Variants in MAP2K1 observed in about 807,000 individuals in gnomAD.
MAP2K1 encodes mitogen-activated protein kinase kinase 1.
A neutral mutation model predicts 46.3 loss-of-function variants in MAP2K1; 16 were observed. That is an observed-to-expected ratio of 0.35 (90% CI 0.23 to 0.52). The LOEUF (loss-of-function observed/expected upper bound fraction) is 0.52. Ranked by LOEUF, MAP2K1 falls within the 20% of genes least tolerant of loss-of-function variation. The pLI, the probability that MAP2K1 is intolerant of heterozygous loss-of-function variation, is 0.94. For missense variants in MAP2K1, 263 were observed against 497.1 expected (o/e 0.53, Z 4.48); for synonymous variants, 183 against 185.6 (o/e 0.99, Z 0.11).
At chr15:66,429,764 C>G (rs1190649774) in intron 1 of MAP2K1, among the ~76,000 whole-genome samples, 1 of 147,532 alleles carries the variant, frequency 6.8e-6, no homozygotes, top group African/African-American at 2.5e-5. Context: ...CTTCCTCTTT[C>G]AGGTCCATTC....
intron 5 of MAP2K1, among the ~76,000 whole-genome samples, chr15:66,463,377 C>G (rs918061661): frequency 2.0e-5 from 3 of 152,230 alleles, no homozygotes; most frequent in African/African-American, 7.2e-5. Flanking sequence ...TGAGACTACT[C>G]TCAGTTAATT....
Position 66,433,152 on chromosome 15 carries a change from G to A in MAP2K1, c.81-1875G>A, listed in dbSNP as rs2093479158. 3.9e-5 allele frequency among the ~76,000 whole-genome samples: 6 copies of A among 152,220 alleles called. No individual in the cohort carries two copies. In the South Asian group the frequency reaches 1.2e-3, roughly 32 times the overall value. On this transcript the variant is annotated intron_variant, in intron 1 of 10. Coordinates refer to ENST00000307102, the MANE Select transcript of MAP2K1 (RefSeq NM_002755.4). ...TAAGCTCCTTTGTGGGGAGACCTTGGAGAAAGGAAACCAGAGAGTGTGCAC... is the reference window on the plus strand; with the variant it reads ...TAAGCTCCTTTGTGGGGAGACCTTGAAGAAAGGAAACCAGAGAGTGTGCAC...
chr15:66,407,127 T>A (rs1017471367), intron 1 of MAP2K1, among the ~76,000 whole-genome samples: 4 of 152,024 alleles, frequency 2.6e-5, no homozygotes, highest in African/African-American at 9.7e-5. Context: ...GCTCCGTGTA[T>A]TGTTTTGTAG....
intron 6 of MAP2K1, among the ~76,000 whole-genome samples, chr15:66,482,208 G>T (rs1396152344): frequency 6.6e-6 from 1 of 152,108 alleles, no homozygotes; most frequent in Non-Finnish European, 1.5e-5. Context: ...ACAAACCCAG[G>T]ATGCTCAGAT....
chr15:66,454,757 C>T (rs1160599813), intron 5 of MAP2K1, among the ~76,000 whole-genome samples: 1 of 152,088 alleles, frequency 6.6e-6, no homozygotes, highest in Non-Finnish European at 1.5e-5. Flanking sequence ...GTGCCGTGCG[C>T]CTGTAATCCC....
At chr15:66,409,776 T>A (rs1368417588) in intron 1 of MAP2K1, among the ~76,000 whole-genome samples, 1 of 152,196 alleles carries the variant, frequency 6.6e-6, no homozygotes, top group Non-Finnish European at 1.5e-5. Context: ...ACACCCCCGC[T>A]AATATATCTA....
At chr15:66,389,106 A>G (rs1007278930) in intron 1 of MAP2K1, among the ~76,000 whole-genome samples, 1 of 151,682 alleles carries the variant, frequency 6.6e-6, no homozygotes, top group Non-Finnish European at 1.5e-5. Context: ...GGGTTTCTCC[A>G]AGTTGTTCAG....
intron 1 of MAP2K1, among the ~76,000 whole-genome samples, chr15:66,403,116 A>G (rs938536649): frequency 7.2e-5 from 11 of 152,210 alleles, no homozygotes; most frequent in Non-Finnish European, 1.3e-4. Flanking sequence ...GCCAGAGTTC[A>G]CACTGCTGCA....
chr15:66,403,187 C>T (rs1370839283), intron 1 of MAP2K1, among the ~76,000 whole-genome samples: 1 of 152,150 alleles, frequency 6.6e-6, no homozygotes, highest in Non-Finnish European at 1.5e-5. Context: ...ACATACAGTA[C>T]ATGTTTTCAT....
intron 7 of MAP2K1, 84 bp downstream of exon 7, chr15:66,485,275 T>G: frequency 1.6e-6 from 2 of 1,272,608 alleles, no homozygotes; most frequent in Non-Finnish European, 1.1e-6. Flanking sequence ...GCTGATTCTC[T>G]GTACATTCTG....
At chr15:66,480,659 T>C (rs1892892025) in intron 5 of MAP2K1, among the ~76,000 whole-genome samples, 2 of 152,180 alleles carry the variant, frequency 1.3e-5, no homozygotes, top group Non-Finnish European at 2.9e-5. Context: ...GGTTGTATTA[T>C]AGGAGGTTTG....
At chr15:66,410,602 G>A (rs895125983) in intron 1 of MAP2K1, among the ~76,000 whole-genome samples, 1 of 151,924 alleles carries the variant, frequency 6.6e-6, no homozygotes, top group East Asian at 1.9e-4. Context: ...TGTAACAATA[G>A]GTCCAAGTCT....
Position 66,430,510 on chromosome 15 carries a change from C to T in MAP2K1, c.81-4517C>T, listed in dbSNP as rs1308833057. On this transcript the variant is annotated intron_variant, in intron 1 of 10. Coordinates refer to ENST00000307102, the MANE Select transcript of MAP2K1 (RefSeq NM_002755.4). Reference sequence around the variant, plus strand: ...ATTTCTTTTTCTGGATATCACCCCCCTACCTCCTCCTGTCATTCCTTAGGC... The same window carrying T: ...ATTTCTTTTTCTGGATATCACCCCCTTACCTCCTCCTGTCATTCCTTAGGC... Among the ~76,000 whole-genome samples, 4 of 152,236 alleles carry T rather than the reference C, an allele frequency of 2.6e-5. No individual in the cohort carries two copies. In the East Asian group the frequency reaches 7.7e-4, roughly 29 times the overall value.
chr15:66,398,245 T>C (rs1005667104), intron 1 of MAP2K1, among the ~76,000 whole-genome samples: 22 of 151,254 alleles, frequency 1.5e-4, no homozygotes, highest in African/African-American at 5.1e-4. Flanking sequence ...GGTGAGACCT[T>C]GTCTCTACAA....
Position 66,410,365 on chromosome 15 carries a change from AG to A in MAP2K1, c.80+22942del, listed in dbSNP as rs531601733. Among the ~76,000 whole-genome samples, 547 of 152,326 alleles carry A rather than the reference AG, an allele frequency of 3.6e-3. 2 individuals carry two copies. Among genetic ancestry groups the A allele is most frequent in the African/African-American group, 0.013 (523 of 41,574 alleles). On this transcript the variant is annotated intron_variant, in intron 1 of 10. Transcript: ENST00000307102. Reference sequence around the variant, plus strand: ...TTTCTGTACAGTGACATGCAGTCCTAGGGGTTAACTGTGTGGGTTTGAGCGA... The same window carrying A: ...TTTCTGTACAGTGACATGCAGTCCTAGGGTTAACTGTGTGGGTTTGAGCGA...
rs534101025 is a variant in MAP2K1 at position 66,489,958 on chromosome 15, G to A, written c.1068+195G>A. 49 of 656,724 alleles carry A rather than the reference G, an allele frequency of 7.5e-5. No individual in the cohort carries two copies. The East Asian group carries it at 8.2e-4, about 11-fold the overall frequency. The allele number at this position is 656,724 out of a possible 1,614,324, so 40.7% of individuals were successfully genotyped here. A position where few individuals can be genotyped will look rare whatever the true frequency, so the allele number is the denominator to read the frequency against. Reference sequence around the variant, plus strand: ...TTAAGGGAAAGCTGGGGTGACCCCCGCAGCCTGAGTAAGCATATGCCAGAG... The same window carrying A: ...TTAAGGGAAAGCTGGGGTGACCCCCACAGCCTGAGTAAGCATATGCCAGAG... On this transcript the variant is annotated intron_variant, in intron 10 of 10. Coordinates refer to ENST00000307102, the MANE Select transcript of MAP2K1 (RefSeq NM_002755.4).
intron 1 of MAP2K1, among the ~76,000 whole-genome samples, chr15:66,427,953 G>A (rs907546196): frequency 1.3e-5 from 2 of 152,128 alleles, no homozygotes; most frequent in African/African-American, 2.4e-5. Context: ...GGTGAAGGTT[G>A]CAGTAAACCG....
At chr15:66,453,565 A>G (rs1339148737) in intron 5 of MAP2K1, 1 of 702,280 alleles carries the variant, frequency 1.4e-6, no homozygotes, top group South Asian at 1.5e-5. Flanking sequence ...ATTCCTGGAA[A>G]CCTGAGTTCA....
rs1567003255 is a variant in MAP2K1, at chr15:66,420,857, GTGTATA to G, written c.81-14168_81-14163del. Among the ~76,000 whole-genome samples, 97 of 119,362 alleles carry G rather than the reference GTGTATA, an allele frequency of 8.1e-4. 21 individuals are homozygous for G. The highest frequency in any genetic ancestry group is 5.1e-3 in the Middle Eastern group (1 of 196). The allele number at this position is 119,362 out of a possible 152,430, so 78.3% of individuals were successfully genotyped here. A position where few individuals can be genotyped will look rare whatever the true frequency, so the allele number is the denominator to read the frequency against. On this transcript the variant is annotated intron_variant, in intron 1 of 10. Transcript: ENST00000307102. ...TATATATATGTGTGTATATATATGTGTGTATATATATGTGTGTATATATATGTGTAT... is the reference window on the plus strand; with the variant it reads ...TATATATATGTGTGTATATATATGTGTATATGTGTGTATATATATGTGTAT...
Sources: allele counts gnomAD v4.1 joint callset (sites outside exome capture counted in the v4.1 genomes callset), GRCh38; gene constraint gnomAD v4.1.1; transcripts MANE v1.5; gene names NCBI Gene and HGNC (gene_info 2026-07-23, HGNC 2026-07-21).